DICER1: variants seen among roughly 807,000 people sequenced by gnomAD.
DICER1 encodes the protein endoribonuclease Dicer.
DICER1 carries 43 observed loss-of-function variants against 194.1 expected under a neutral mutation model. The observed-to-expected ratio is 0.22, with a 90% CI of 0.17 to 0.29. DICER1 has a LOEUF of 0.29. DICER1 is among the 10% of genes least tolerant of loss of function. The pLI is 1.00. For synonymous variants in DICER1, 832 were observed against 820.5 expected, an observed-to-expected ratio of 1.01 and a Z score of -0.24; for missense variants, 1,608 against 2,317.0, an observed-to-expected ratio of 0.69 and a Z score of 6.28.
chr14:95,108,244 G>A (rs1050160628), intron 15 of DICER1, 80 bp downstream of exon 15: 1 of 1,407,138 alleles, frequency 7.1e-7, no homozygotes, highest in Non-Finnish European at 1.0e-6. Context: ...GTAACAAAAG[G>A]TACTTACTAC....
rs1416483843 is a variant in DICER1 at position 95,088,112 on chromosome 14, TCTA to T, written c.*2383_*2385del. The T allele has an allele frequency of 4.3e-6, 1 of 232,094 alleles. No individual in the cohort carries two copies. Among genetic ancestry groups the T allele is most frequent in the Non-Finnish European group, 8.5e-6 (1 of 117,698 alleles). 14.4% of individuals were successfully genotyped at this position (232,094 alleles called of 1,614,324 possible). On this transcript the variant is annotated 3_prime_UTR_variant, in exon 27 of 27. Coordinates refer to ENST00000343455, the MANE Select transcript of DICER1 (RefSeq NM_177438.3). ...CTTCAAACTGTGAGTCAAATTAAAA[TCTA>T]CTATTTTTCTCCAACAAAAAGTGAA...
Position 95,104,144 on chromosome 14 carries a change from T to C in DICER1, c.3270-18A>G. ...TAGGGTATCTGCAAAGACATTTTTATAACTTTACATCAGATTCTTCAAAAC... is the reference window on the plus strand; with the variant it reads ...TAGGGTATCTGCAAAGACATTTTTACAACTTTACATCAGATTCTTCAAAAC... On this transcript the variant is annotated intron_variant, in intron 20 of 26. Transcript: ENST00000343455. The C allele has an allele frequency of 6.3e-7, 1 of 1,598,348 alleles. No individual in the cohort carries two copies. Among genetic ancestry groups the C allele is most frequent in the Non-Finnish European group, 8.5e-7 (1 of 1,171,296 alleles).
At chr14:95,122,655 C>T (rs1235640936) in intron 8 of DICER1, among the ~76,000 whole-genome samples, 1 of 152,214 alleles carries the variant, frequency 6.6e-6, no homozygotes, top group Non-Finnish European at 1.5e-5. Context: ...AAATCACTCT[C>T]TCTCCTGAGG....
chr14:95,097,732 T>A (rs1407582856), intron 22 of DICER1, among the ~76,000 whole-genome samples: 1 of 152,230 alleles, frequency 6.6e-6, no homozygotes, highest in African/African-American at 2.4e-5. Context: ...TTCAAGCATT[T>A]TTTAAATACT....
chr14:95,094,346 T>C (rs1890125193), intron 23 of DICER1, among the ~76,000 whole-genome samples, 190 bp from the exon 24 acceptor site: 1 of 152,202 alleles, frequency 6.6e-6, no homozygotes, highest in Non-Finnish European at 1.5e-5. Context: ...ACAAATTAAG[T>C]ACATTTCTTA....
Position 95,124,666 on chromosome 14 carries a change from T to C in DICER1, c.906A>G (p.Ile302Met), listed in dbSNP as rs1016793295. ...ERDSTLISKQ[I>M]LSDCRAVLVV... ...CCAATACGGCACGACAGTCTGATAG[T>C]ATCTACAAAAAAAAGAAAAGAAAAA... is the stretch of plus-strand genomic sequence containing the variant. The change falls in exon 8 of 27, where the codon ATA (isoleucine) becomes ATG (methionine). Residue 302 changes from isoleucine (I) to methionine (M), a missense_variant and splice_region_variant. Ile to Met is a conservative substitution (Grantham distance 10). This residue lies in a region of DICER1 where 657 missense variants were observed against 910.1 expected (regional missense o/e 0.72). Coordinates refer to ENST00000343455, the MANE Select transcript of DICER1 (RefSeq NM_177438.3). The surrounding 1 kb of genome is among the most constrained non-coding windows in gnomAD (Gnocchi z 4.5). The C allele has an allele frequency of 6.2e-7, 1 of 1,610,650 alleles. No homozygotes were observed. Among genetic ancestry groups the C allele is most frequent in the Non-Finnish European group, 8.5e-7 (1 of 1,177,636 alleles).
chr14:95,094,236 C>A, intron 23 of DICER1, 80 bp from the exon 24 acceptor site: 1 of 1,510,588 alleles, frequency 6.6e-7, no homozygotes, highest in South Asian at 1.1e-5. Context: ...TCCCCAAATC[C>A]GAAGAAGATT....
intron 1 of DICER1, among the ~76,000 whole-genome samples, chr14:95,147,425 A>G (rs185715933): frequency 3.3e-5 from 5 of 152,286 alleles, no homozygotes; most frequent in Admixed American, 2.6e-4. Flanking sequence ...ACACCACTGC[A>G]CTCCAGAGTA....
chr14:95,132,585 T>C lies in DICER1; in HGVS notation c.237A>G (p.Lys79=). Residue 79 remains lysine (K), a synonymous_variant, in exon 3 of 27, where the codon AAA becomes AAG. Transcript: ENST00000343455. The part of the protein sequence containing the change: ...GKTFIAVLLT[K]ELSYQIRGDF... ...CTCCCCTGATCTGATAGGACAGCTC[T>C]TTAGTGAGTAGTACTGCAATAAATG... 1 of 1,614,008 alleles carries C rather than the reference T, an allele frequency of 6.2e-7. No homozygotes were observed. The highest frequency in any genetic ancestry group is 2.2e-5 in the East Asian group (1 of 44,842).
chr14:95,152,596 CA>C (rs1302174739), intron 1 of DICER1, among the ~76,000 whole-genome samples: 9 of 152,244 alleles, frequency 5.9e-5, no homozygotes, highest in African/African-American at 1.7e-4. Flanking sequence ...ACTCTAAGGC[CA>C]AACTTAAGCC....
At position 95,115,761 on chromosome 14, in the gene DICER1, T is replaced by C. The variant is rs759958601; in HGVS notation, c.1813A>G (p.Met605Val). The C allele has an allele frequency of 1.1e-5, 17 of 1,614,032 alleles. No homozygotes were observed. The highest frequency in any genetic ancestry group is 6.7e-5 in the African/African-American group (5 of 74,910). The change falls in exon 11 of 27, where the codon ATG (methionine) becomes GTG (valine). Residue 605 changes from methionine (M) to valine (V), a missense_variant. This residue lies in a region of DICER1 where 657 missense variants were observed against 910.1 expected (regional missense o/e 0.72). Coordinates refer to ENST00000343455, the MANE Select transcript of DICER1 (RefSeq NM_177438.3). ...DTGETDIDPV[M>V]DDDDVFPPYV... ...GGTGGGAAAACGTCATCATCATCCA[T>C]GACAGGATCAATGTCAGTCTCACCA...
At chr14:95,118,093 A>G (rs1365264739) in intron 8 of DICER1, among the ~76,000 whole-genome samples, 3 of 152,208 alleles carry the variant, frequency 2.0e-5, no homozygotes, top group East Asian at 3.9e-4. Flanking sequence ...ACGGATCCTC[A>G]TAGATCTTGG....
intron 8 of DICER1, among the ~76,000 whole-genome samples, chr14:95,119,579 C>T (rs947295831): frequency 6.6e-6 from 1 of 152,114 alleles, no homozygotes; most frequent in Admixed American, 6.5e-5. Flanking sequence ...AAAAATAAGA[C>T]AATGTATTAT....
At chr14:95,107,843 T>G in intron 16 of DICER1, 37 bp downstream of exon 16, 1 of 1,607,828 alleles carries the variant, frequency 6.2e-7, no homozygotes, top group Non-Finnish European at 8.5e-7. Flanking sequence ...TTTGTATATG[T>G]GTCTAGAGTT....
intron 1 of DICER1, among the ~76,000 whole-genome samples, chr14:95,148,029 T>C (rs1274388036): frequency 6.6e-6 from 1 of 152,154 alleles, no homozygotes; most frequent in Non-Finnish European, 1.5e-5. Flanking sequence ...CGAGAGTCCA[T>C]CTCAATAAAA....
intron 1 of DICER1, among the ~76,000 whole-genome samples, chr14:95,153,147 G>A (rs1049618939): frequency 1.3e-5 from 2 of 151,784 alleles, no homozygotes; most frequent in Non-Finnish European, 2.9e-5. Flanking sequence ...AGCCCAGGAG[G>A]CGGAGCTTGC....
rs1342513692 is a variant in DICER1 at position 95,111,417 on chromosome 14, G to C, written c.2156C>G (p.Thr719Ser). The change falls in exon 14 of 27, where the codon ACT becomes AGT. Residue 719 changes from threonine (T) to serine (S), a missense_variant. By Grantham distance (58) the Thr-to-Ser change is moderately conservative. Coordinates refer to ENST00000343455, the MANE Select transcript of DICER1 (RefSeq NM_177438.3). ...ATCAAGCTCCTCTTCATATTTAACA[G>C]TCTCTTTCCCAACTGGCATCAAATG... ...DDHLMPVGKE[T>S]VKYEEELDLH... The C allele has an allele frequency of 6.2e-7, 1 of 1,613,868 alleles. No individual in the cohort carries two copies. The highest frequency in any genetic ancestry group is 8.5e-7 in the Non-Finnish European group (1 of 1,179,894).
In DICER1 at chr14:95,096,981, T is replaced by C. The variant is rs181460629; in HGVS notation, c.4207-268A>G. Among the ~76,000 whole-genome samples, 35 of 152,330 alleles carry C rather than the reference T, an allele frequency of 2.3e-4. 1 individual carries two copies. The highest frequency in any genetic ancestry group is 8.2e-4 in the African/African-American group (34 of 41,572). On this transcript the variant is annotated intron_variant, in intron 22 of 26. Transcript: ENST00000343455. ...GTATGAAGCTTTAAGTTAAGGACTT[T>C]GAACATGGATATAAAGTTAAAATTA...
At position 95,112,203 on chromosome 14, in the gene DICER1, A is replaced by T. The variant is rs1292542174; in HGVS notation, c.2085T>A (p.Ala695=). The change falls in exon 13 of 27, where the codon GCT becomes GCA. Residue 695 remains alanine, a synonymous_variant. Transcript: ENST00000343455. ...SCVRLAERVV[A]LICCEKLHKI... is the part of the protein sequence containing the mutation. ...TGTGCAGTTTCTCACAGCAAATGAG[A>T]GCTACAACTCTTTCAGCCAATCGTA... 6.2e-7 allele frequency: 1 copy of T among 1,614,072 alleles called. No individual in the cohort carries two copies. The highest frequency in any genetic ancestry group is 1.7e-5 in the Admixed American group (1 of 60,024).
Sources: allele counts gnomAD v4.1 joint callset (sites outside exome capture counted in the v4.1 genomes callset), GRCh38; gene constraint gnomAD v4.1.1; regional missense constraint gnomAD v4.1.1; non-coding constraint Gnocchi (gnomAD v3.1); transcripts MANE v1.5; gene names NCBI Gene and HGNC (gene_info 2026-07-23, HGNC 2026-07-21).